MAP3K15: variants seen among roughly 807,000 people sequenced by gnomAD.
MAP3K15 encodes MAPK/ERK kinase kinase 15.
Under a neutral mutation model 99.5 loss-of-function variants are expected in MAP3K15, and 124 were observed. That is an observed-to-expected ratio of 1.25 (90% CI 1.08 to 1.45). The LOEUF is 1.45. Among genes scored for constraint, MAP3K15 ranks in the 40% most tolerant of loss-of-function variants. The pLI is 0.00. For missense variants in MAP3K15, 1,242 were observed against 1,079.7 expected (o/e 1.15, Z -2.11); for synonymous variants, 494 against 439.6 (o/e 1.12, Z -1.55).
intron 3 of MAP3K15, among the ~76,000 whole-genome samples, chrX:19,476,469 T>C (rs2064243941): frequency 8.9e-6 from 1 of 112,036 alleles, no homozygotes; most frequent in Non-Finnish European, 1.9e-5. Flanking sequence ...ACAAAGTTAA[T>C]TTATTGTAGA....
rs1251542707 is a variant in MAP3K15, at chrX:19,464,654, C to G, written c.526-248G>C. On this transcript the variant is annotated intron_variant, in intron 3 of 28. Transcript: ENST00000338883. Reference sequence around the variant, plus strand: ...GATCTGTATGTATCTCTGAACTTCACTGGCAGAAATTTTAGGGTTTTAAAT... The same window carrying G: ...GATCTGTATGTATCTCTGAACTTCAGTGGCAGAAATTTTAGGGTTTTAAAT... Among the ~76,000 whole-genome samples the G allele has an allele frequency of 4.6e-4, 51 of 111,587 alleles. 1 individual carries two copies. In the Admixed American group the frequency reaches 4.9e-3, roughly 11 times the overall value.
chrX:19,482,680 G>T (rs912416574), intron 3 of MAP3K15, among the ~76,000 whole-genome samples: 1 of 111,975 alleles, frequency 8.9e-6, no homozygotes, highest in African/African-American at 3.3e-5. Flanking sequence ...CCCACAACTG[G>T]CTGCACAATT....
rs2063802123 is a variant in MAP3K15 at position 19,423,311 on chromosome X, G to GC, written c.1439+2219dup. ...CCTTGTGTTGCCTTCCCACCATCACGCCTACCTCCCTCCCATCCCACCCCC... is the reference window on the plus strand; with the variant it reads ...CCTTGTGTTGCCTTCCCACCATCACGCCCTACCTCCCTCCCATCCCACCCCC... On this transcript the variant is annotated intron_variant, in intron 9 of 28. Transcript: ENST00000338883. Among the ~76,000 whole-genome samples, 3 of 109,524 alleles carry GC rather than the reference G, an allele frequency of 2.7e-5. No individual in the cohort carries two copies. In the South Asian group the frequency reaches 1.2e-3, roughly 44 times the overall value.
chrX:19,366,210 C>T (rs2063333940), intron 25 of MAP3K15, among the ~76,000 whole-genome samples: 1 of 110,186 alleles, frequency 9.1e-6, no homozygotes, highest in Admixed American at 9.8e-5. Flanking sequence ...CTCTCCCAGC[C>T]CTGCCCAACT....
chrX:19,514,417 CAA>C lies in MAP3K15; in HGVS notation c.361+482_361+483del, dbSNP rs771902192. Among the ~76,000 whole-genome samples the C allele has an allele frequency of 1.7e-3, 170 of 97,231 alleles. 1 individual carries two copies. The highest frequency in any genetic ancestry group is 6.3e-3 in the African/African-American group (163 of 26,036). The allele number at this position is 97,231 out of a possible 115,157, so 84.4% of individuals were successfully genotyped here. ...CTGATGTTTAAGATGCCTGAAGAAT[CAA>C]AGAGTCTAAATGCCCGTGGCCTCTA... On this transcript the variant is annotated intron_variant, in intron 1 of 28. Transcript: ENST00000338883.
At chrX:19,375,300 G>GT (rs2063409385) in intron 19 of MAP3K15, among the ~76,000 whole-genome samples, 1 of 111,679 alleles carries the variant, frequency 9.0e-6, no homozygotes, top group African/African-American at 3.3e-5. Flanking sequence ...GACGCACAGG[G>GT]TCCCCAAGAG....
At chrX:19,484,555 G>C (rs2064310626) in intron 3 of MAP3K15, among the ~76,000 whole-genome samples, 1 of 111,960 alleles carries the variant, frequency 8.9e-6, no homozygotes, top group Non-Finnish European at 1.9e-5. Context: ...TGTTTTGGAA[G>C]AGGGAGAATG....
chrX:19,371,155 A>G, intron 23 of MAP3K15, 91 bp from the exon 24 acceptor site: 1 of 826,073 alleles, frequency 1.2e-6, no homozygotes, highest in Non-Finnish European at 1.7e-6. Flanking sequence ...ACCTACACTC[A>G]TCCTCTTGGG....
intron 18 of MAP3K15, among the ~76,000 whole-genome samples, chrX:19,381,135 C>T (rs753809416): frequency 6.3e-5 from 7 of 111,703 alleles, no homozygotes; most frequent in East Asian, 2.8e-4. Flanking sequence ...CTGCCTGGTT[C>T]GGGTCAGGAA....
At chrX:19,429,974 C>G (rs2063868301) in intron 7 of MAP3K15, among the ~76,000 whole-genome samples, 1 of 111,689 alleles carries the variant, frequency 9.0e-6, no homozygotes, top group Admixed American at 9.5e-5. Context: ...GCTCAAGCCA[C>G]CACCAGCTCT....
intron 3 of MAP3K15, among the ~76,000 whole-genome samples, chrX:19,484,541 T>C (rs1473858430): frequency 8.9e-6 from 1 of 111,782 alleles, no homozygotes; most frequent in Non-Finnish European, 1.9e-5. Context: ...AAGGAATTCC[T>C]GGATGTTTTG....
chrX:19,423,716 A>T (rs1298761186), intron 9 of MAP3K15, among the ~76,000 whole-genome samples: 5 of 111,690 alleles, frequency 4.5e-5, no homozygotes, highest in Admixed American at 3.8e-4. Flanking sequence ...GATCACCTCT[A>T]AGCCCTTGGG....
Position 19,398,319 on chromosome X carries a change from A to C in MAP3K15, c.1973T>G (p.Leu658Trp). Reference sequence around the variant, plus strand: ...CACAATCCCATACGTGCCTTTCCCCAAGACAACTCTCTCACCATTTGCATC... The same window carrying C: ...CACAATCCCATACGTGCCTTTCCCCCAGACAACTCTCTCACCATTTGCATC... Reference protein sequence around the residue: ...DHDANGERVVLGKGTYGIVYA... With the variant: ...DHDANGERVVWGKGTYGIVYA... Residue 658 changes from leucine to tryptophan, a missense_variant, in exon 15 of 29, where the codon TTG becomes TGG. Leu to Trp is a moderately conservative substitution (Grantham distance 61). Coordinates refer to ENST00000338883, the MANE Select transcript of MAP3K15 (RefSeq NM_001001671.4). 1 of 1,211,564 alleles carries C rather than the reference A, an allele frequency of 8.3e-7. No homozygotes were observed. Among genetic ancestry groups the C allele is most frequent in the Non-Finnish European group, 1.1e-6 (1 of 895,327 alleles).
intron 15 of MAP3K15, among the ~76,000 whole-genome samples, chrX:19,396,917 T>G (rs999253836): frequency 9.3e-6 from 1 of 106,957 alleles, no homozygotes; most frequent in Non-Finnish European, 1.9e-5. Flanking sequence ...TTTTTTTTTT[T>G]GAGACAGGGT....
chrX:19,416,286 G>C (rs1052330681), intron 9 of MAP3K15, among the ~76,000 whole-genome samples: 1 of 110,593 alleles, frequency 9.0e-6, no homozygotes, highest in Non-Finnish European at 1.9e-5. Context: ...AGCTGAGATT[G>C]TGCCACTGCA....
At chrX:19,367,969 G>A (rs900637472) in intron 25 of MAP3K15, among the ~76,000 whole-genome samples, 31 of 105,827 alleles carry the variant, frequency 2.9e-4, no homozygotes, top group Non-Finnish European at 5.6e-4. Flanking sequence ...GGCTGGTCTC[G>A]AACCCCTAAC....
At chrX:19,469,934 C>T (rs1322215672) in intron 3 of MAP3K15, among the ~76,000 whole-genome samples, 3 of 109,415 alleles carry the variant, frequency 2.7e-5, no homozygotes, top group Non-Finnish European at 5.7e-5. Context: ...GAAATAGGAA[C>T]ACTTTTACAC....
At chrX:19,466,540 T>C (rs948653585) in intron 3 of MAP3K15, 3 of 112,239 alleles carry the variant, frequency 2.7e-5, no homozygotes, top group South Asian at 3.7e-4. Flanking sequence ...CCTTCCACCA[T>C]GATTGTAAGT....
intron 12 of MAP3K15, 125 bp from the exon 13 acceptor site, chrX:19,407,408 C>G: frequency 5.2e-6 from 2 of 383,347 alleles, no homozygotes; most frequent in Non-Finnish European, 8.9e-6. Context: ...ACAAACACCC[C>G]CCGAGTCTGC....
Sources: allele counts gnomAD v4.1 joint callset (sites outside exome capture counted in the v4.1 genomes callset), GRCh38; gene constraint gnomAD v4.1.1; transcripts MANE v1.5; gene names NCBI Gene and HGNC (gene_info 2026-07-23, HGNC 2026-07-21).